Variants in VIT observed in about 807,000 individuals in gnomAD.
The protein encoded by VIT is vitrin.
VIT carries 99 observed loss-of-function variants against 78.0 expected under a neutral mutation model. The observed-to-expected ratio is 1.27, with a 90% CI of 1.08 to 1.50. VIT has a LOEUF of 1.50. Ranked by LOEUF, VIT falls within the 40% of genes most tolerant of loss-of-function variation. The probability of loss-of-function intolerance (pLI) is 0.00; values close to 1 mark genes in which losing one functional copy is unlikely to be tolerated. For missense variants in VIT, 1,126 were observed against 875.3 expected, an observed-to-expected ratio of 1.29 and a Z score of -3.61; for synonymous variants, 374 against 334.3, an observed-to-expected ratio of 1.12 and a Z score of -1.29.
At chr2:36,794,482 T>C (rs557342119) in intron 12 of VIT, among the ~76,000 whole-genome samples, 93 of 152,354 alleles carry the variant, frequency 6.1e-4, no homozygotes, top group African/African-American at 2.2e-3. Flanking sequence ...TCAACCTATG[T>C]ATCTCGGAAA....
intron 12 of VIT, among the ~76,000 whole-genome samples, chr2:36,791,321 A>T (rs1665487025): frequency 6.6e-6 from 1 of 152,204 alleles, no homozygotes; most frequent in Non-Finnish European, 1.5e-5. Context: ...AGCAGCTTCC[A>T]TAGGTCGGCT....
intron 3 of VIT, among the ~76,000 whole-genome samples, chr2:36,733,270 G>A (rs571985400): frequency 5.9e-5 from 9 of 152,086 alleles, no homozygotes; most frequent in Non-Finnish European, 1.0e-4. Flanking sequence ...AGATGGAAAG[G>A]CCTCAGGAAC....
intron 7 of VIT, 105 bp downstream of exon 7, chr2:36,767,390 C>G: frequency 8.4e-7 from 1 of 1,184,412 alleles, no homozygotes; most frequent in Non-Finnish European, 1.1e-6. Flanking sequence ...GAATGGGGAG[C>G]ACTGGAGAAC....
chr2:36,774,439 A>G, intron 8 of VIT: 1 of 949,064 alleles, frequency 1.1e-6, no homozygotes. Flanking sequence ...GTTTCCACAA[A>G]CTCTACTCAC....
intron 12 of VIT, among the ~76,000 whole-genome samples, chr2:36,797,847 T>A (rs1001386289): frequency 6.6e-6 from 1 of 152,282 alleles, no homozygotes; most frequent in South Asian, 2.1e-4. Context: ...ATGCTGTTAA[T>A]TGAGTGCCTG....
chr2:36,809,744 TG>T (rs1240619806), intron 15 of VIT, among the ~76,000 whole-genome samples: 2 of 152,214 alleles, frequency 1.3e-5, no homozygotes, highest in South Asian at 2.1e-4. Flanking sequence ...GGAAAAATAA[TG>T]TTTTTAAAGA....
intron 1 of VIT, among the ~76,000 whole-genome samples, chr2:36,701,870 C>T (rs1490154382): frequency 1.3e-5 from 2 of 152,328 alleles, no homozygotes; most frequent in African/African-American, 4.8e-5. Flanking sequence ...CATTCAACAA[C>T]AGCAGGAGCA....
At chr2:36,700,856 A>G (rs1665010161) in intron 1 of VIT, among the ~76,000 whole-genome samples, 2 of 152,132 alleles carry the variant, frequency 1.3e-5, no homozygotes. Flanking sequence ...CAAACATATG[A>G]GGTGGGCTTT....
chr2:36,776,571 C>T (rs1572519897), intron 9 of VIT, among the ~76,000 whole-genome samples: 1 of 150,396 alleles, frequency 6.6e-6, no homozygotes, highest in South Asian at 2.1e-4. Flanking sequence ...GAGGCCAAGG[C>T]AGGTGGATCA....
At chr2:36,750,522 C>T (rs560068071) in intron 4 of VIT, among the ~76,000 whole-genome samples, 7 of 152,294 alleles carry the variant, frequency 4.6e-5, no homozygotes, top group Non-Finnish European at 1.0e-4. Context: ...CCAAAGATGA[C>T]ATTAAAATAA....
At position 36,717,334 on chromosome 2, in the gene VIT, A is replaced by ATGTG. The variant is rs70946944; in HGVS notation, c.52+970_52+973dup. ...AGGCTCCCACCACCACGCCTGGCTA[A>ATGTG]TGTGTGTGTGTGTGTGTGTGTGTGT... On this transcript the variant is annotated intron_variant, in intron 2 of 15. Coordinates refer to ENST00000379242, the MANE Select transcript of VIT (RefSeq NM_053276.4). Among the ~76,000 whole-genome samples, 207 of 64,114 alleles carry ATGTG rather than the reference A, an allele frequency of 3.2e-3. 1 individual carries two copies. Among genetic ancestry groups the ATGTG allele is most frequent in the Middle Eastern group, 0.027 (2 of 74 alleles). 42.1% of individuals were successfully genotyped at this position (64,114 alleles called of 152,430 possible).
intron 15 of VIT, among the ~76,000 whole-genome samples, chr2:36,810,028 A>G (rs929702665): frequency 9.4e-5 from 14 of 149,620 alleles, no homozygotes; most frequent in Non-Finnish European, 3.0e-5. Context: ...ACAATGGCCC[A>G]CGCCTGTGAT....
intron 15 of VIT, among the ~76,000 whole-genome samples, chr2:36,812,627 C>T (rs1049365918): frequency 6.6e-6 from 1 of 152,106 alleles, no homozygotes; most frequent in African/African-American, 2.4e-5. Context: ...CCTAGACATG[C>T]TCCAGTTCCT....
chr2:36,776,244 G>A (rs1242528194), intron 9 of VIT, among the ~76,000 whole-genome samples: 2 of 152,122 alleles, frequency 1.3e-5, no homozygotes, highest in Non-Finnish European at 2.9e-5. Flanking sequence ...CAAAGACCCC[G>A]CTTTCAGAGA....
At chr2:36,806,260 A>C (rs1325592690) in intron 14 of VIT, among the ~76,000 whole-genome samples, 2 of 152,212 alleles carry the variant, frequency 1.3e-5, no homozygotes, top group African/African-American at 4.8e-5. Context: ...CAGCTTTAAA[A>C]TAGAAAGCAA....
intron 9 of VIT, among the ~76,000 whole-genome samples, chr2:36,780,298 C>T (rs946550370): frequency 2.0e-5 from 3 of 152,192 alleles, no homozygotes; most frequent in African/African-American, 7.2e-5. Flanking sequence ...CCTAATCTTC[C>T]TGACATTCAA....
At chr2:36,705,800 A>T (rs951573892) in intron 1 of VIT, among the ~76,000 whole-genome samples, 1 of 152,202 alleles carries the variant, frequency 6.6e-6, no homozygotes, top group African/African-American at 2.4e-5. Flanking sequence ...AGAAATAAAC[A>T]TTCTCATAAA....
At chr2:36,728,112 G>A in intron 2 of VIT, among the ~76,000 whole-genome samples, 1 of 151,702 alleles carries the variant, frequency 6.6e-6, no homozygotes, top group Admixed American at 6.6e-5. Flanking sequence ...TGTATTTTTA[G>A]TAGAGACAGG....
intron 12 of VIT, among the ~76,000 whole-genome samples, chr2:36,794,019 T>A (rs1319797701): frequency 6.6e-6 from 1 of 152,228 alleles, no homozygotes; most frequent in Non-Finnish European, 1.5e-5. Flanking sequence ...AGGTGAGTTT[T>A]ATCATCAGGT....
Sources: allele counts gnomAD v4.1 joint callset (sites outside exome capture counted in the v4.1 genomes callset), GRCh38; gene constraint gnomAD v4.1.1; transcripts MANE v1.5; gene names NCBI Gene and HGNC (gene_info 2026-07-23, HGNC 2026-07-21).